KRT85: variants seen among roughly 807,000 people sequenced by gnomAD.
The protein encoded by KRT85 is keratin, type II cuticular Hb5.
KRT85 carries 39 observed loss-of-function variants against 53.7 expected under a neutral mutation model. The ratio of observed to expected loss-of-function variants is 0.73; its 90% confidence interval spans 0.56 to 0.95. The LOEUF is 0.95. KRT85 is among the 40% of genes least tolerant of loss of function. The pLI is 0.00. For missense variants in KRT85, 668 were observed against 686.0 expected (o/e 0.97, Z 0.29); for synonymous variants, 291 against 277.5 (o/e 1.05, Z -0.48).
chr12:52,364,012 CCT>C (rs898738612), intron 4 of KRT85, 54 bp downstream of exon 4: 78 of 1,345,088 alleles, frequency 5.8e-5, no homozygotes, highest in Admixed American at 4.9e-4. Flanking sequence ...TCACTGCTCC[CCT>C]GTCTCCAAAA....
rs1939177330 is a variant in KRT85 at position 52,360,756 on chromosome 12, T to C, written c.*97A>G. ...TCCCTCTGTAGGAACATCCAGAAGA[T>C]TCTGGAAGCAAGCACACATTTTCCA... On this transcript the variant is annotated 3_prime_UTR_variant, in exon 9 of 9. Coordinates refer to ENST00000257901, the MANE Select transcript of KRT85 (RefSeq NM_002283.4). 4 of 1,352,038 alleles carry C rather than the reference T, an allele frequency of 3.0e-6. No homozygotes were observed. Among genetic ancestry groups the C allele is most frequent in the Non-Finnish European group, 4.2e-6 (4 of 945,478 alleles). 83.8% of individuals were successfully genotyped at this position (1,352,038 alleles called of 1,614,324 possible). A position where few individuals can be genotyped will look rare whatever the true frequency, so the allele number is the denominator to read the frequency against.
At chr12:52,361,410 T>C (rs1312090159) in intron 8 of KRT85, 57 bp downstream of exon 8, 1 of 1,537,060 alleles carries the variant, frequency 6.5e-7, no homozygotes, top group Non-Finnish European at 9.0e-7. Context: ...GGCCAATGAG[T>C]TCAGCTTTTC....
At chr12:52,361,362 T>G in intron 8 of KRT85, 105 bp downstream of exon 8, 2 of 1,066,550 alleles carry the variant, frequency 1.9e-6, no homozygotes, top group Non-Finnish European at 2.9e-6. Context: ...CAGGGGAGGG[T>G]GAAACAGTTG....
intron 8 of KRT85, 132 bp downstream of exon 8, chr12:52,361,334 TG>T: frequency 1.2e-6 from 1 of 863,388 alleles, no homozygotes; most frequent in Non-Finnish European, 2.0e-6. Context: ...ACACCTGTCA[TG>T]GCCCCCACTG....
At chr12:52,362,175 C>G in intron 7 of KRT85, 76 bp downstream of exon 7, 2 of 1,602,080 alleles carry the variant, frequency 1.2e-6, no homozygotes, top group Non-Finnish European at 1.7e-6. Context: ...GTAGCTCACA[C>G]TCAGCTCAAG....
chr12:52,364,777 G>T, intron 2 of KRT85, 185 bp downstream of exon 2: 1 of 1,373,640 alleles, frequency 7.3e-7, no homozygotes, highest in Non-Finnish European at 9.9e-7. Flanking sequence ...AAGGCTCACA[G>T]GGGTGGAGTC....
At chr12:52,366,701 C>G (rs1026421378) in intron 1 of KRT85, among the ~76,000 whole-genome samples, 1 of 152,064 alleles carries the variant, frequency 6.6e-6, no homozygotes, top group African/African-American at 2.4e-5. Flanking sequence ...ACACACCACA[C>G]ACTAACATAC....
At position 52,367,464 on chromosome 12, in the gene KRT85, G is replaced by A. The variant is rs368964339; in HGVS notation, c.-59C>T. On this transcript the variant is annotated 5_prime_UTR_variant, in exon 1 of 9. Coordinates refer to ENST00000257901, the MANE Select transcript of KRT85 (RefSeq NM_002283.4). Reference sequence around the variant, plus strand: ...GAAGGTGGTGCGGGCGGCAGAGTGCGAGGCTCAGGATCCTTCTGCTCTCTC... The same window carrying A: ...GAAGGTGGTGCGGGCGGCAGAGTGCAAGGCTCAGGATCCTTCTGCTCTCTC... The A allele has an allele frequency of 6.4e-7, 1 of 1,553,422 alleles. No homozygotes were observed. The highest frequency in any genetic ancestry group is 8.8e-7 in the Non-Finnish European group (1 of 1,131,374).
In KRT85 at chr12:52,365,189, G is replaced by A. The variant is rs971867233; in HGVS notation, c.421-19C>T. On this transcript the variant is annotated intron_variant, in intron 1 of 8. Transcript: ENST00000257901. ...AGCGCACCTGCCATTCAGGTGGAAA[G>A]AAGAAGTCAGAGGGAGCCTGGGGGG... 11 of 1,613,774 alleles carry A rather than the reference G, an allele frequency of 6.8e-6. No individual in the cohort carries two copies. The highest frequency in any genetic ancestry group is 3.3e-5 in the Admixed American group (2 of 59,988).
chr12:52,365,921 C>A (rs1392463280), intron 1 of KRT85, among the ~76,000 whole-genome samples: 1 of 152,136 alleles, frequency 6.6e-6, no homozygotes, highest in Non-Finnish European at 1.5e-5. Context: ...ACGCTGATAC[C>A]CACTCCAACC....
chr12:52,364,387 G>A lies in KRT85; in HGVS notation c.630-21C>T, dbSNP rs77184300. 0.013 allele frequency: 21,655 copies of A among 1,614,158 alleles called. 211 individuals carry two copies. The highest frequency in any genetic ancestry group is 0.016 in the Non-Finnish European group (18,603 of 1,180,008). ...CATACCTGGGTGTGGGAGAGAGAAG[G>A]TCTGGAGCTGAGAAACTGGACCTTG... On this transcript the variant is annotated intron_variant, in intron 2 of 8. Transcript: ENST00000257901.
chr12:52,363,277 C>A lies in KRT85; in HGVS notation c.920G>T (p.Arg307Leu). ...ACGGTACCAGGACTCAGCCTCGGCC[C>A]GGCTGCGGCTGGCAACATCGTCATA... Reference protein sequence around the residue: ...AQYDDVASRSRAEAESWYRSK... With the variant: ...AQYDDVASRSLAEAESWYRSK... Residue 307 changes from arginine (R) to leucine (L), a missense_variant, in exon 5 of 9, where the codon CGG (arginine) becomes CTG (leucine). Physicochemically the swap from Arg to Leu is moderately radical, Grantham distance 102. Around this residue, in one of 3 missense-constraint regions of KRT85, gnomAD observed 488 missense variants for 498.1 expected, o/e 0.98. Coordinates refer to ENST00000257901, the MANE Select transcript of KRT85 (RefSeq NM_002283.4). 1.2e-6 allele frequency: 2 copies of A among 1,614,180 alleles called. No individual in the cohort carries two copies. Among genetic ancestry groups the A allele is most frequent in the Non-Finnish European group, 1.7e-6 (2 of 1,180,028 alleles).
intron 2 of KRT85, chr12:52,364,627 C>A (rs1262061399): frequency 7.6e-6 from 11 of 1,440,050 alleles, no homozygotes; most frequent in Non-Finnish European, 1.0e-5. Flanking sequence ...ATCTGTGCAT[C>A]CTAGGTCCCA....
chr12:52,365,911 A>G (rs1407163029), intron 1 of KRT85, among the ~76,000 whole-genome samples: 1 of 152,108 alleles, frequency 6.6e-6, no homozygotes, highest in Non-Finnish European at 1.5e-5. Context: ...ATAAGTGGAG[A>G]CGCTGATACC....
In KRT85 at chr12:52,362,961, T is replaced by C; in HGVS notation, c.970A>G (p.Thr324Ala). 6.2e-7 allele frequency: 1 copy of C among 1,614,128 alleles called. No homozygotes were observed. Among genetic ancestry groups the C allele is most frequent in the Non-Finnish European group, 8.5e-7 (1 of 1,180,014 alleles). ...YRSKCEEMKA[T>A]VIRHGETLRR... ...AGGGTCTCCCCATGCCTGATCACCG[T>C]GGCCTTCATCTCCTCACACTGGAGG... is the stretch of plus-strand genomic sequence containing the variant. Residue 324 changes from threonine (T) to alanine (A), a missense_variant, in exon 6 of 9, where the codon ACG (threonine) becomes GCG (alanine). Coordinates refer to ENST00000257901, the MANE Select transcript of KRT85 (RefSeq NM_002283.4).
chr12:52,364,012 C>T (rs1939233820), intron 4 of KRT85, 56 bp downstream of exon 4: 1 of 1,344,970 alleles, frequency 7.4e-7, no homozygotes, highest in Non-Finnish European at 1.1e-6. Context: ...TCACTGCTCC[C>T]CTGTCTCCAA....
Position 52,362,990 on chromosome 12 carries a change from T to C in KRT85, c.952-11A>G, listed in dbSNP as rs1257884704. The C allele has an allele frequency of 1.9e-6, 3 of 1,613,960 alleles. No homozygotes were observed. Among genetic ancestry groups the C allele is most frequent in the Non-Finnish European group, 2.5e-6 (3 of 1,180,012 alleles). On this transcript the variant is annotated splice_polypyrimidine_tract_variant and intron_variant, in intron 5 of 8. Transcript: ENST00000257901. ...CTTCATCTCCTCACACTGGAGGAAG[T>C]AGAGATGCTCATGAGGCTCAGGGTG...
At chr12:52,364,917 T>A in intron 2 of KRT85, 45 bp downstream of exon 2, 1 of 1,611,980 alleles carries the variant, frequency 6.2e-7, no homozygotes, top group Non-Finnish European at 8.5e-7. Context: ...CCTCCCAGCA[T>A]TCTCTCTGAG....
At chr12:52,363,533 TC>T in intron 4 of KRT85, 123 bp from the exon 5 acceptor site, 1 of 1,014,182 alleles carries the variant, frequency 9.9e-7, no homozygotes, top group East Asian at 2.6e-5. Context: ...TGACTCCTGC[TC>T]CTACCACCTT....
Sources: gnomAD v4.1 joint callset for allele counts (sites outside exome capture counted in the v4.1 genomes callset) on GRCh38, gnomAD v4.1.1 for gene constraint, gnomAD v4.1.1 regional missense constraint, MANE v1.5 for transcripts, NCBI Gene and HGNC (gene_info 2026-07-23, HGNC 2026-07-21) for gene names.